ZNF618: variants seen among roughly 807,000 people sequenced by gnomAD.
The protein encoded by ZNF618 is zinc finger protein 618.
In ZNF618, 34 loss-of-function variants were observed where a neutral mutation model predicts 103.0. The observed-to-expected ratio is 0.33, with a 90% CI of 0.25 to 0.44. The LOEUF (loss-of-function observed/expected upper bound fraction) is 0.44, where lower values mean the gene tolerates loss of function less well. Among genes scored for constraint, ZNF618 ranks in the 20% least tolerant of loss-of-function variants. ZNF618 has a pLI of 1.00. For synonymous variants in ZNF618, 551 were observed against 542.2 expected (o/e 1.02, Z -0.23); for missense variants, 1,059 against 1,295.4 (o/e 0.82, Z 2.80).
At chr9:114,038,657 G>A (rs1218377960) in intron 13 of ZNF618, among the ~76,000 whole-genome samples, 1 of 152,216 alleles carries the variant, frequency 6.6e-6, no homozygotes, top group Non-Finnish European at 1.5e-5. Context: ...GTGCCTTGGT[G>A]ACGTTGGAGA....
At chr9:113,924,021 T>C (rs1251570444) in intron 1 of ZNF618, among the ~76,000 whole-genome samples, 2 of 151,988 alleles carry the variant, frequency 1.3e-5, no homozygotes, top group Admixed American at 6.6e-5. Context: ...TGCATTAGAG[T>C]AATGTTAGTG....
chr9:113,972,245 C>CCAGCTCT (rs1838040212), intron 2 of ZNF618, among the ~76,000 whole-genome samples: 1 of 152,092 alleles, frequency 6.6e-6, no homozygotes, highest in Non-Finnish European at 1.5e-5. Flanking sequence ...GCTGGGGTTT[C>CCAGCTCT]ACTGTGTTGC....
In ZNF618 at chr9:113,998,290, T is replaced by G; in HGVS notation, c.369T>G (p.Gly123=). 6.4e-7 allele frequency: 1 copy of G among 1,550,556 alleles called. No homozygotes were observed. The highest frequency in any genetic ancestry group is 1.2e-5 in the South Asian group (1 of 84,064). ...DGKAPEGSPH[G]GSVRSRYSGT... Reference sequence around the variant, plus strand: ...AAGCGCCCGAAGGCAGCCCCCACGGTGGATCTGTGCGAAGCCGGTATTCAG... The same window carrying G: ...AAGCGCCCGAAGGCAGCCCCCACGGGGGATCTGTGCGAAGCCGGTATTCAG... Residue 123 remains glycine, a synonymous_variant, in exon 4 of 15, where the codon GGT becomes GGG. Coordinates refer to ENST00000374126, the MANE Select transcript of ZNF618 (RefSeq NM_001318042.2).
intron 1 of ZNF618, among the ~76,000 whole-genome samples, chr9:113,878,931 T>G (rs1828224352): frequency 6.6e-6 from 1 of 152,152 alleles, no homozygotes; most frequent in Non-Finnish European, 1.5e-5. Flanking sequence ...GCCATTGCAT[T>G]TGGGAGATTT....
intron 3 of ZNF618, among the ~76,000 whole-genome samples, chr9:113,997,624 G>C (rs1444878634): frequency 6.6e-6 from 1 of 152,242 alleles, no homozygotes; most frequent in Admixed American, 6.5e-5. Context: ...CTGGCTGCAT[G>C]AACTGGGCGA....
chr9:114,034,967 C>G (rs1844452874), intron 12 of ZNF618, among the ~76,000 whole-genome samples: 1 of 152,160 alleles, frequency 6.6e-6, no homozygotes, highest in African/African-American at 2.4e-5. Flanking sequence ...TCTTGCCCTG[C>G]CTGGTGGCCC....
At chr9:113,883,196 G>A (rs1172135117) in intron 1 of ZNF618, among the ~76,000 whole-genome samples, 12 of 152,318 alleles carry the variant, frequency 7.9e-5, no homozygotes, top group Non-Finnish European at 1.6e-4. Flanking sequence ...TAGGGAGCCC[G>A]AGGCACATTT....
At chr9:113,891,006 T>C (rs1023184982) in intron 1 of ZNF618, among the ~76,000 whole-genome samples, 2 of 152,262 alleles carry the variant, frequency 1.3e-5, no homozygotes, top group Admixed American at 6.5e-5. Flanking sequence ...TTTGGAGATA[T>C]TGACTTTGTT....
At chr9:113,939,743 A>G (rs965893982) in intron 1 of ZNF618, among the ~76,000 whole-genome samples, 25 of 151,920 alleles carry the variant, frequency 1.6e-4, no homozygotes, top group African/African-American at 6.0e-4. Context: ...ATATATTAAT[A>G]TAAAGTCTTC....
At chr9:113,979,103 C>G (rs1191825464) in intron 2 of ZNF618, among the ~76,000 whole-genome samples, 1 of 152,126 alleles carries the variant, frequency 6.6e-6, no homozygotes, top group African/African-American at 2.4e-5. Context: ...TGGGTAGAGC[C>G]CTGGTCTCTG....
At chr9:113,959,860 C>T (rs865937374) in intron 1 of ZNF618, among the ~76,000 whole-genome samples, 57 of 152,306 alleles carry the variant, frequency 3.7e-4, no homozygotes, top group African/African-American at 1.1e-3. Context: ...CCACCCGCCT[C>T]GGCCTCCCAA....
In ZNF618 at chr9:114,049,839, T is replaced by G. The variant is rs1434655919; in HGVS notation, c.2537T>G (p.Phe846Cys). 1 of 1,613,810 alleles carries G rather than the reference T, an allele frequency of 6.2e-7. No homozygotes were observed. The highest frequency in any genetic ancestry group is 1.3e-5 in the African/African-American group (1 of 74,928). ...VKESWAEEAD[F>C]EPAAKKPRSA... ...GAGTCCTGGGCCGAGGAGGCCGACT[T>G]CGAGCCCGCTGCCAAGAAGCCCCGC... The change falls in exon 15 of 15, where the codon TTC becomes TGC. Residue 846 changes from phenylalanine to cysteine, a missense_variant. Phe to Cys is a radical substitution (Grantham distance 205). Around this residue, in one of 6 missense-constraint regions of ZNF618, gnomAD observed 156 missense variants for 197.1 expected, o/e 0.79. Coordinates refer to ENST00000374126, the MANE Select transcript of ZNF618 (RefSeq NM_001318042.2).
chr9:113,941,530 T>G (rs1834542498), intron 1 of ZNF618, among the ~76,000 whole-genome samples: 1 of 152,202 alleles, frequency 6.6e-6, no homozygotes, highest in Admixed American at 6.5e-5. Context: ...GAAGAGGCCA[T>G]TATTTTTTTC....
intron 10 of ZNF618, among the ~76,000 whole-genome samples, chr9:114,018,572 G>A (rs747320589): frequency 6.6e-6 from 1 of 152,146 alleles, no homozygotes; most frequent in African/African-American, 2.4e-5. Context: ...TTTGAATTCC[G>A]GCAGGCAGGC....
In ZNF618 at chr9:114,055,022, G is replaced by A. The variant is rs1229897017; in HGVS notation, c.*4855G>A. Reference sequence around the variant, plus strand: ...GAAGGATTTGCTAGGTTTGCATTTGGGTGTTAGCATCACGACCCACGAGGG... The same window carrying A: ...GAAGGATTTGCTAGGTTTGCATTTGAGTGTTAGCATCACGACCCACGAGGG... On this transcript the variant is annotated 3_prime_UTR_variant, in exon 15 of 15. Coordinates refer to ENST00000374126, the MANE Select transcript of ZNF618 (RefSeq NM_001318042.2). The A allele has an allele frequency of 1.4e-5, 2 of 147,396 alleles. No individual in the cohort carries two copies. The highest frequency in any genetic ancestry group is 7.2e-5 in the Admixed American group (1 of 13,870). 9.1% of individuals were successfully genotyped at this position (147,396 alleles called of 1,614,324 possible). A position where few individuals can be genotyped will look rare whatever the true frequency, so the allele number is the denominator to read the frequency against.
chr9:114,000,943 G>C (rs1464757942), intron 4 of ZNF618, among the ~76,000 whole-genome samples: 2 of 152,314 alleles, frequency 1.3e-5, no homozygotes, highest in African/African-American at 4.8e-5. Context: ...GAATAGGCAG[G>C]TCTCCACCCC....
At chr9:113,950,103 CAA>C (rs948536135) in intron 1 of ZNF618, among the ~76,000 whole-genome samples, 7 of 152,296 alleles carry the variant, frequency 4.6e-5, no homozygotes, top group African/African-American at 1.7e-4. Context: ...AGAGGAAAAA[CAA>C]AGAGAAAGAG....
chr9:113,902,428 C>T (rs1441349264), intron 1 of ZNF618, among the ~76,000 whole-genome samples: 1 of 152,062 alleles, frequency 6.6e-6, no homozygotes, highest in Non-Finnish European at 1.5e-5. Flanking sequence ...TGTGTAGGGT[C>T]CTTTCTAGCT....
rs149241905 is a variant in ZNF618, at chr9:113,951,812, C to G, written c.34-17305C>G. On this transcript the variant is annotated intron_variant, in intron 1 of 14. Coordinates refer to ENST00000374126, the MANE Select transcript of ZNF618 (RefSeq NM_001318042.2). ...TGTGGTTCTGTGCCATTTTCCTTTT[C>G]TTAGAAACTGGGTTTCCCAGTTTGA... Among the ~76,000 whole-genome samples the G allele has an allele frequency of 3.3e-3, 509 of 151,976 alleles. 2 individuals are homozygous for G. The highest frequency in any genetic ancestry group is 8.5e-3 in the African/African-American group (353 of 41,458).
Sources: allele counts gnomAD v4.1 joint callset (sites outside exome capture counted in the v4.1 genomes callset), GRCh38; gene constraint gnomAD v4.1.1; regional missense constraint gnomAD v4.1.1; transcripts MANE v1.5; gene names NCBI Gene and HGNC (gene_info 2026-07-23, HGNC 2026-07-21).